Variants in PCDHA6 observed in about 807,000 individuals in gnomAD.
The protein encoded by PCDHA6 is protocadherin alpha-6.
In PCDHA6, 55 loss-of-function variants were observed where a neutral mutation model predicts 60.3. The ratio of observed to expected loss-of-function variants is 0.91; its 90% CI spans 0.73 to 1.14. The LOEUF is 1.14. PCDHA6 is among the 50% of genes most tolerant of loss of function. The pLI is 0.00. For missense variants in PCDHA6, 1,327 were observed against 1,256.5 expected (o/e 1.06, Z -0.85); for synonymous variants, 652 against 557.9 (o/e 1.17, Z -2.38).
At chr5:140,922,548 G>T (rs2080883425) in intron 1 of PCDHA6, among the ~76,000 whole-genome samples, 2 of 152,172 alleles carry the variant, frequency 1.3e-5, no homozygotes, top group Non-Finnish European at 2.9e-5. Flanking sequence ...GCAAGGTAAG[G>T]AGAAAAGTCA....
intron 1 of PCDHA6, chr5:140,859,116 A>G (rs1210233743): frequency 6.7e-6 from 1 of 150,046 alleles, no homozygotes; most frequent in Non-Finnish European, 1.5e-5. Flanking sequence ...AAGAAAATGT[A>G]TGTTTCTTTT....
intron 1 of PCDHA6, chr5:140,868,976 T>C: frequency 6.7e-7 from 1 of 1,481,558 alleles, no homozygotes; most frequent in Non-Finnish European, 9.0e-7. Context: ...AACTCCATCA[T>C]ACCGGATGCC....
rs1554244374 is a variant in PCDHA6 at position 140,982,509 on chromosome 5, GC to G, written c.2489del (p.Ala830ValfsTer85). ...VHLEEAGILR[A>X]GPGGPDQQWP... is the part of the protein sequence containing the mutation. ...CCTAGAGGAGGCTGGCATTCTACGGGCTGGTCCAGGAGGGCCTGATCAGCAG... is the reference window on the plus strand; with the variant it reads ...CCTAGAGGAGGCTGGCATTCTACGGGTGGTCCAGGAGGGCCTGATCAGCAG... On this transcript the variant is annotated frameshift_variant, in exon 3 of 4. Transcript: ENST00000529310. LOFTEE classifies it high-confidence loss of function. 6.2e-7 allele frequency: 1 copy of G among 1,614,206 alleles called. No homozygotes were observed. Among genetic ancestry groups the G allele is most frequent in the Non-Finnish European group, 8.5e-7 (1 of 1,180,032 alleles).
Position 140,829,136 on chromosome 5 carries a change from G to C in PCDHA6, c.1045G>C (p.Glu349Gln). 12 of 1,613,236 alleles carry C rather than the reference G, an allele frequency of 7.4e-6. No homozygotes were observed. Among genetic ancestry groups the C allele is most frequent in the Non-Finnish European group, 1.0e-5 (12 of 1,179,164 alleles). Residue 349 changes from glutamate to glutamine, a missense_variant, in exon 1 of 4, where the codon GAG becomes CAG. By Grantham distance (29) the Glu-to-Gln change is conservative (BLOSUM62 2). Coordinates refer to ENST00000529310, the MANE Select transcript of PCDHA6 (RefSeq NM_018909.4). ...TTTGGATAAAAATGATAACGTCCCTGAGATAGCACTGACTTCCTTATCCTT... is the reference window on the plus strand; with the variant it reads ...TTTGGATAAAAATGATAACGTCCCTCAGATAGCACTGACTTCCTTATCCTT... ...RILDKNDNVP[E>Q]IALTSLSLPV...
intron 1 of PCDHA6, chr5:140,877,000 G>C: frequency 6.2e-7 from 1 of 1,612,598 alleles, no homozygotes; most frequent in Non-Finnish European, 8.5e-7. Flanking sequence ...CTACGTGTCG[G>C]TGCACGCGGA....
intron 1 of PCDHA6, chr5:140,850,124 G>A: frequency 6.3e-7 from 1 of 1,595,944 alleles, no homozygotes; most frequent in Non-Finnish European, 8.6e-7. Context: ...CGGGCGTGCC[G>A]CCTCTGGGCA....
At chr5:140,884,104 G>A in intron 1 of PCDHA6, 3 of 1,613,464 alleles carry the variant, frequency 1.9e-6, no homozygotes, top group African/African-American at 1.3e-5. Flanking sequence ...ATGAATTGCA[G>A]CTGGCGGCGG....
intron 1 of PCDHA6, among the ~76,000 whole-genome samples, chr5:140,878,707 A>C (rs1450914173): frequency 2.0e-5 from 3 of 152,232 alleles, no homozygotes; most frequent in Non-Finnish European, 4.4e-5. Context: ...GCCTGGTAGT[A>C]AAGGCATTAA....
At position 140,830,327 on chromosome 5, in the gene PCDHA6, GGGAGCT is replaced by G. The variant is rs1183196628; in HGVS notation, c.2239_2244del (p.Trp748_Ser749del). ...CACGCTGGTGTGCTCCAGCGCAGTGGGGAGCTGGTCGTACTCGCAGCAGAGGCGGCA... is the reference window on the plus strand; with the variant it reads ...CACGCTGGTGTGCTCCAGCGCAGTGGGGTCGTACTCGCAGCAGAGGCGGCA... On this transcript the variant is annotated inframe_deletion, in exon 1 of 4. Transcript: ENST00000529310. The G allele has an allele frequency of 1.2e-6, 2 of 1,613,914 alleles. No homozygotes were observed. The highest frequency in any genetic ancestry group is 1.7e-6 in the Non-Finnish European group (2 of 1,179,950).
rs2150177291 is a variant in PCDHA6, at chr5:140,829,900, C to T, written c.1809C>T (p.Tyr603=). The change falls in exon 1 of 4, where the codon TAC becomes TAT. Residue 603 remains tyrosine (Y), a synonymous_variant. Transcript: ENST00000529310. The stretch of plus-strand genomic sequence containing the variant: ...GCGCAGTTGACGCCGACTCAGGCTA[C>T]AACGCGTGGCTTTCGTATGAGCTGC... ...KVRAVDADSG[Y]NAWLSYELQP... The T allele has an allele frequency of 1.9e-6, 3 of 1,613,996 alleles. No homozygotes were observed. The highest frequency in any genetic ancestry group is 3.3e-5 in the Admixed American group (2 of 60,014).
intron 1 of PCDHA6, among the ~76,000 whole-genome samples, chr5:140,977,613 G>T (rs1554238687): frequency 2.0e-5 from 3 of 152,150 alleles, no homozygotes; most frequent in African/African-American, 7.2e-5. Flanking sequence ...TTGAGGTAAA[G>T]TATCCCAGAG....
intron 1 of PCDHA6, chr5:140,882,970 C>A (rs111935814): frequency 1.2e-6 from 2 of 1,614,130 alleles, no homozygotes; most frequent in African/African-American, 1.3e-5. Flanking sequence ...CGATTCTGGA[C>A]GTGAATGACA....
chr5:140,960,397 G>A (rs1322659184), intron 1 of PCDHA6, among the ~76,000 whole-genome samples: 1 of 152,102 alleles, frequency 6.6e-6, no homozygotes, highest in African/African-American at 2.4e-5. Flanking sequence ...AGGATGCAAG[G>A]GGGGGTGCCC....
intron 1 of PCDHA6, among the ~76,000 whole-genome samples, chr5:140,908,003 C>G (rs1325602233): frequency 1.3e-5 from 2 of 152,164 alleles, no homozygotes; most frequent in Non-Finnish European, 2.9e-5. Context: ...ACCATCCAGC[C>G]AAACCACTGG....
At chr5:140,832,572 C>G (rs987114352) in intron 1 of PCDHA6, among the ~76,000 whole-genome samples, 2 of 152,172 alleles carry the variant, frequency 1.3e-5, no homozygotes, top group South Asian at 2.1e-4. Flanking sequence ...AAACAGCATA[C>G]TTTCTTAGGA....
chr5:140,934,490 C>T (rs189772593), intron 1 of PCDHA6, among the ~76,000 whole-genome samples: 35 of 152,244 alleles, frequency 2.3e-4, no homozygotes, highest in Admixed American at 1.4e-3. Context: ...ATATTCACCT[C>T]ATAAACACCC....
chr5:140,987,293 T>C (rs2097246211), intron 3 of PCDHA6, among the ~76,000 whole-genome samples: 1 of 152,134 alleles, frequency 6.6e-6, no homozygotes, highest in African/African-American at 2.4e-5. Context: ...TAACAAGCCT[T>C]CTATGTGATA....
At chr5:140,960,400 G>T (rs566510688) in intron 1 of PCDHA6, among the ~76,000 whole-genome samples, 4 of 152,114 alleles carry the variant, frequency 2.6e-5, no homozygotes, top group African/African-American at 9.6e-5. Context: ...ATGCAAGGGG[G>T]GGTGCCCAAA....
intron 1 of PCDHA6, among the ~76,000 whole-genome samples, chr5:140,894,254 A>G (rs566555133): frequency 6.6e-6 from 1 of 152,128 alleles, no homozygotes; most frequent in Admixed American, 6.5e-5. Flanking sequence ...TCTTTTCTTT[A>G]CAAGTGGTAG....
Sources: gnomAD v4.1 joint callset for allele counts (sites outside exome capture counted in the v4.1 genomes callset) on GRCh38, gnomAD v4.1.1 for gene constraint, MANE v1.5 for transcripts, NCBI Gene and HGNC (gene_info 2026-07-23, HGNC 2026-07-21) for gene names.